GRK3: variants seen among roughly 807,000 people sequenced by gnomAD.
The protein encoded by GRK3 is adrenergic, beta, receptor kinase 2.
Under a neutral mutation model 95.7 loss-of-function variants are expected in GRK3, and 54 were observed. The observed-to-expected ratio is 0.56, with a 90% CI of 0.45 to 0.71. The LOEUF (loss-of-function observed/expected upper bound fraction) is 0.71. Ranked by LOEUF, GRK3 falls within the 30% of genes least tolerant of loss-of-function variation. The pLI is 0.00. For synonymous variants in GRK3, 281 were observed against 290.8 expected (o/e 0.97, Z 0.34); for missense variants, 649 against 851.2 (o/e 0.76, Z 2.96).
At chr22:25,692,937 G>A (rs796401611) in intron 12 of GRK3, among the ~76,000 whole-genome samples, 5 of 152,232 alleles carry the variant, frequency 3.3e-5, no homozygotes, top group African/African-American at 1.2e-4. Flanking sequence ...AGCTGTAGAT[G>A]TGATTCTTAG....
At chr22:25,648,997 T>A in intron 3 of GRK3, 1 of 1,107,822 alleles carries the variant, frequency 9.0e-7, no homozygotes, top group Non-Finnish European at 1.4e-6. Flanking sequence ...CAGACAGAAC[T>A]GGTAACAAAG....
At chr22:25,647,933 A>AAACC (rs1394449142) in intron 3 of GRK3, 2 of 513,038 alleles carry the variant, frequency 3.9e-6, no homozygotes, top group Non-Finnish European at 7.2e-6. Context: ...CAACATGGTG[A>AAACC]AACCCCATCT....
chr22:25,654,473 C>T lies in GRK3; in HGVS notation c.265-7103C>T, dbSNP rs183699967. The stretch of plus-strand genomic sequence containing the variant: ...TTAATGTATTTTTAGGAAGAAGGGT[C>T]AAATTATGATGTACGTTTACCATAA... On this transcript the variant is annotated intron_variant, in intron 3 of 20. Transcript: ENST00000324198. Among the ~76,000 whole-genome samples the T allele has an allele frequency of 5.3e-5, 8 of 152,200 alleles. No individual in the cohort carries two copies. In the East Asian group the frequency reaches 1.5e-3, roughly 29 times the overall value.
chr22:25,620,004 TTTTGTGTGTGTGTGTG>T (rs1182397312), intron 2 of GRK3, among the ~76,000 whole-genome samples: 34 of 120,546 alleles, frequency 2.8e-4, no homozygotes, highest in East Asian at 8.0e-4. Context: ...CCTTTGTCTT[TTTTGTGTGTGTGTGTG>T]TGTGTGTGTG....
intron 1 of GRK3, 25 bp downstream of exon 1, chr22:25,565,178 G>C (rs542893330): frequency 2.4e-5 from 33 of 1,371,712 alleles, no homozygotes; most frequent in African/African-American, 7.6e-5. Context: ...GGCCGGCGCC[G>C]GCCCCAAGCC....
intron 1 of GRK3, among the ~76,000 whole-genome samples, chr22:25,582,432 G>A (rs1337787847): frequency 2.0e-5 from 3 of 152,104 alleles, no homozygotes; most frequent in African/African-American, 7.2e-5. Flanking sequence ...AGGAAAACTC[G>A]ACATTGTGAA....
At chr22:25,590,700 A>G (rs1932461489) in intron 1 of GRK3, among the ~76,000 whole-genome samples, 1 of 152,176 alleles carries the variant, frequency 6.6e-6, no homozygotes, top group Non-Finnish European at 1.5e-5. Flanking sequence ...GGGCACCCAC[A>G]GTCCCAGCTA....
At chr22:25,667,387 G>A (rs530222297) in intron 5 of GRK3, among the ~76,000 whole-genome samples, 1 of 152,264 alleles carries the variant, frequency 6.6e-6, no homozygotes, top group East Asian at 1.9e-4. Context: ...TTTCAAAATG[G>A]CAACAACAGA....
At chr22:25,606,382 G>A (rs951178697) in intron 2 of GRK3, among the ~76,000 whole-genome samples, 11 of 152,144 alleles carry the variant, frequency 7.2e-5, no homozygotes, top group African/African-American at 2.4e-4. Flanking sequence ...ACGTTTTGAC[G>A]GAGCTGTCTA....
intron 13 of GRK3, among the ~76,000 whole-genome samples, chr22:25,698,214 GAAGGAGGAAGGAAGAAGAGGGAAGA>G (rs997211527): frequency 1.1e-4 from 17 of 150,540 alleles, no homozygotes; most frequent in Admixed American, 7.3e-4. Context: ...GGGAGGGAAG[GAAGGAGGAAGGAAGAAGAGGGAAGA>G]AAGGGAGAAA....
At chr22:25,681,895 C>A (rs977721026) in intron 9 of GRK3, among the ~76,000 whole-genome samples, 1 of 152,060 alleles carries the variant, frequency 6.6e-6, no homozygotes, top group Admixed American at 6.5e-5. Flanking sequence ...CCATAATTAT[C>A]CTTGGAACTG....
chr22:25,626,522 C>G (rs967161179), intron 2 of GRK3, among the ~76,000 whole-genome samples: 1 of 152,084 alleles, frequency 6.6e-6, no homozygotes, highest in Non-Finnish European at 1.5e-5. Flanking sequence ...GGTGTTACTC[C>G]CTTTAAAACA....
In GRK3 at chr22:25,728,199, C is replaced by T. The variant is rs748311342; in HGVS notation, c.*5749C>T. On this transcript the variant is annotated 3_prime_UTR_variant, in exon 21 of 21. Transcript: ENST00000324198. ...ATGTGGCCGACATCTCTTCTCACCA[C>T]CATGGACTGTTTTCAACAACAGTTG... 6.6e-6 allele frequency: 1 copy of T among 152,216 alleles called. No homozygotes were observed. Among genetic ancestry groups the T allele is most frequent in the Admixed American group, 6.5e-5 (1 of 15,284 alleles). The allele number at this position is 152,216 out of a possible 1,614,324, so 9.4% of individuals were successfully genotyped here.
rs1336758849 is a variant in GRK3, at chr22:25,567,847, A to G, written c.113+2694A>G. On this transcript the variant is annotated intron_variant, in intron 1 of 20. Coordinates refer to ENST00000324198, the MANE Select transcript of GRK3 (RefSeq NM_005160.4). ...CAGAACGAAATATCTAGCTAATTTAAATGAAACACTGGGTTTGCAGCTTCC... is the reference window on the plus strand; with the variant it reads ...CAGAACGAAATATCTAGCTAATTTAGATGAAACACTGGGTTTGCAGCTTCC... 3.3e-5 allele frequency among the ~76,000 whole-genome samples: 5 copies of G among 152,242 alleles called. No individual in the cohort carries two copies. The East Asian group carries it at 9.6e-4, about 29-fold the overall frequency.
intron 8 of GRK3, among the ~76,000 whole-genome samples, chr22:25,678,538 A>G (rs2085050615): frequency 3.3e-5 from 5 of 152,262 alleles, no homozygotes; most frequent in Admixed American, 3.3e-4. Context: ...ATATGCCCTT[A>G]TTAGTCATAA....
chr22:25,617,037 A>G (rs1167678425), intron 2 of GRK3, among the ~76,000 whole-genome samples: 1 of 152,222 alleles, frequency 6.6e-6, no homozygotes, highest in Non-Finnish European at 1.5e-5. Flanking sequence ...GTGAAATCCC[A>G]GCTGGGACAG....
At chr22:25,569,896 A>G (rs553739747) in intron 1 of GRK3, among the ~76,000 whole-genome samples, 133 of 152,314 alleles carry the variant, frequency 8.7e-4, no homozygotes, top group Non-Finnish European at 1.5e-3. Context: ...GCAGACACTC[A>G]GGGAAGGTAA....
chr22:25,619,645 G>C (rs2084566217), intron 2 of GRK3, among the ~76,000 whole-genome samples: 1 of 149,570 alleles, frequency 6.7e-6, no homozygotes, highest in East Asian at 2.0e-4. Context: ...GATCATACCT[G>C]GCTAGTTTTT....
chr22:25,660,216 A>C (rs959213481), intron 3 of GRK3, among the ~76,000 whole-genome samples: 10 of 152,332 alleles, frequency 6.6e-5, no homozygotes, highest in African/African-American at 2.4e-4. Context: ...GTTACTTTGC[A>C]GCTACCATAT....
Sources: gnomAD v4.1 joint callset for allele counts (sites outside exome capture counted in the v4.1 genomes callset) on GRCh38, gnomAD v4.1.1 for gene constraint, MANE v1.5 for transcripts, NCBI Gene and HGNC (gene_info 2026-07-23, HGNC 2026-07-21) for gene names.